CDK17: variants seen among roughly 807,000 people sequenced by gnomAD.
CDK17 encodes the protein cyclin dependent kinase 17.
Under a neutral mutation model 77.6 loss-of-function variants are expected in CDK17, and 24 were observed. The ratio of observed to expected loss-of-function variants is 0.31; its 90% CI spans 0.22 to 0.44. The LOEUF (loss-of-function observed/expected upper bound fraction) is 0.44, where lower values mean the gene tolerates loss of function less well. Ranked by LOEUF, CDK17 falls within the 20% of genes least tolerant of loss-of-function variation. CDK17 has a pLI of 1.00. For synonymous variants in CDK17, 203 were observed against 210.4 expected (o/e 0.96, Z 0.30); for missense variants, 429 against 622.5 (o/e 0.69, Z 3.31).
At chr12:96,362,162 A>C (rs371501153) in intron 1 of CDK17, among the ~76,000 whole-genome samples, 96 of 152,338 alleles carry the variant, frequency 6.3e-4, no homozygotes, top group African/African-American at 2.3e-3. Flanking sequence ...GACTTTTTAA[A>C]ACTTAGTCAA....
intron 1 of CDK17, among the ~76,000 whole-genome samples, chr12:96,386,424 G>A (rs887809698): frequency 6.6e-6 from 1 of 152,174 alleles, no homozygotes; most frequent in African/African-American, 2.4e-5. Context: ...CAAGGTGGGA[G>A]GATCACTTGA....
intron 1 of CDK17, among the ~76,000 whole-genome samples, chr12:96,376,435 C>T (rs1346685777): frequency 6.6e-6 from 1 of 152,174 alleles, no homozygotes; most frequent in Non-Finnish European, 1.5e-5. Context: ...GTTTGCCATT[C>T]TTATCAACAC....
intron 4 of CDK17, among the ~76,000 whole-genome samples, chr12:96,312,289 A>C (rs534640281): frequency 6.6e-6 from 1 of 152,284 alleles, no homozygotes; most frequent in South Asian, 2.1e-4. Context: ...AAACCAGAAA[A>C]AAATATATAC....
intron 11 of CDK17, among the ~76,000 whole-genome samples, chr12:96,287,832 C>T (rs1952266445): frequency 6.6e-6 from 1 of 152,022 alleles, no homozygotes; most frequent in African/African-American, 2.4e-5. Flanking sequence ...GTATTTTTAG[C>T]CTTAAAAAGG....
chr12:96,385,247 G>A (rs1254391099), intron 1 of CDK17, among the ~76,000 whole-genome samples: 1 of 41,966 alleles, frequency 2.4e-5, no homozygotes, highest in Non-Finnish European at 4.2e-5. Context: ...GGGAGGCGGA[G>A]AGGTTGCAGT....
In CDK17 at chr12:96,334,809, G is replaced by A. The variant is rs746956260; in HGVS notation, c.28C>T (p.Leu10Phe). 1.4e-4 allele frequency: 227 copies of A among 1,606,572 alleles called. No individual in the cohort carries two copies. The highest frequency in any genetic ancestry group is 1.7e-4 in the Non-Finnish European group (204 of 1,173,656). The change falls in exon 2 of 17, where the codon CTC (leucine) becomes TTC (phenylalanine). Residue 10 changes from leucine (L) to phenylalanine (F), a missense_variant. Physicochemically the swap from Leu to Phe is conservative, Grantham distance 22. Transcript: ENST00000261211. MKKFKRRLS[L>F]TLRGSQTIDE... ...ATAGTCTGACTTCCTCGGAGTGTGA[G>A]GGATAGCCTTCTCTTAAATTTTTTC...
intron 1 of CDK17, among the ~76,000 whole-genome samples, chr12:96,375,512 T>C (rs1349775816): frequency 7.1e-6 from 1 of 140,984 alleles, no homozygotes; most frequent in African/African-American, 2.8e-5. Context: ...ATCCTAACCT[T>C]TTTTTTTTTT....
chr12:96,286,374 C>T (rs1272757700), intron 12 of CDK17, among the ~76,000 whole-genome samples: 1 of 151,664 alleles, frequency 6.6e-6, no homozygotes, highest in Non-Finnish European at 1.5e-5. Flanking sequence ...TTTTTCTATC[C>T]AGTTGATACC....
At chr12:96,297,369 T>C in intron 8 of CDK17, 37 bp from the exon 9 acceptor site, 1 of 1,375,954 alleles carries the variant, frequency 7.3e-7, no homozygotes, top group Non-Finnish European at 1.0e-6. Context: ...TGATACACCA[T>C]TTTCAGAATG....
At chr12:96,300,211 G>A (rs1289736324) in intron 6 of CDK17, 93 bp downstream of exon 6, 18 of 852,586 alleles carry the variant, frequency 2.1e-5, no homozygotes, top group Non-Finnish European at 3.1e-5. Context: ...CAGTACTTAC[G>A]TTTTTTCCAG....
chr12:96,391,295 T>C (rs4762299), intron 1 of CDK17, among the ~76,000 whole-genome samples: 26 of 145,052 alleles, frequency 1.8e-4, no homozygotes, highest in African/African-American at 2.5e-4. Flanking sequence ...ATTTTTTTTT[T>C]CTTTTTTTTT....
At chr12:96,301,468 A>T (rs1189731771) in intron 5 of CDK17, among the ~76,000 whole-genome samples, 1 of 152,126 alleles carries the variant, frequency 6.6e-6, no homozygotes, top group Non-Finnish European at 1.5e-5. Context: ...TTTTAGATAG[A>T]TTGAAAACTA....
intron 5 of CDK17, among the ~76,000 whole-genome samples, chr12:96,310,479 A>G (rs1227264571): frequency 1.3e-5 from 2 of 152,122 alleles, no homozygotes; most frequent in Middle Eastern, 3.2e-3. Context: ...CATACTATAA[A>G]AACAGTATGA....
chr12:96,367,945 T>C (rs905712772), intron 1 of CDK17, among the ~76,000 whole-genome samples: 5 of 151,968 alleles, frequency 3.3e-5, no homozygotes, highest in Non-Finnish European at 7.4e-5. Context: ...AGCATGCATT[T>C]AAAAACGTAT....
In CDK17 at chr12:96,374,529, C is replaced by A. The variant is rs1320889396; in HGVS notation, c.-30+25457G>T. Among the ~76,000 whole-genome samples, 4 of 152,170 alleles carry A rather than the reference C, an allele frequency of 2.6e-5. No individual in the cohort carries two copies. The South Asian group carries it at 8.3e-4, about 31-fold the overall frequency. On this transcript the variant is annotated intron_variant, in intron 1 of 16. Coordinates refer to ENST00000261211, the MANE Select transcript of CDK17 (RefSeq NM_002595.5). Reference sequence around the variant, plus strand: ...TTTGCTCAGGCCTCTTAACTTTGCACAAGCATATCCCTCTACCAGGAACAA... The same window carrying A: ...TTTGCTCAGGCCTCTTAACTTTGCAAAAGCATATCCCTCTACCAGGAACAA...
chr12:96,325,381 C>T (rs888424093), intron 2 of CDK17, among the ~76,000 whole-genome samples: 6 of 152,212 alleles, frequency 3.9e-5, no homozygotes, highest in Non-Finnish European at 5.9e-5. Context: ...ATTCCTCTAC[C>T]TGTTTCTCAA....
At chr12:96,368,855 C>A (rs1277982333) in intron 1 of CDK17, among the ~76,000 whole-genome samples, 1 of 129,608 alleles carries the variant, frequency 7.7e-6, no homozygotes, top group Non-Finnish European at 1.6e-5. Context: ...AGGAGCACAA[C>A]AGAGTCCCAA....
intron 1 of CDK17, among the ~76,000 whole-genome samples, chr12:96,380,497 G>T (rs545191723): frequency 2.0e-5 from 3 of 151,980 alleles, no homozygotes; most frequent in African/African-American, 7.2e-5. Context: ...CGCCATCTTG[G>T]CCAGACTGGT....
chr12:96,388,173 C>T (rs1954007959), intron 1 of CDK17, among the ~76,000 whole-genome samples: 1 of 151,796 alleles, frequency 6.6e-6, no homozygotes, highest in Admixed American at 6.6e-5. Context: ...AAAGCAAATA[C>T]TGTCTAGACT....
Sources: allele counts gnomAD v4.1 joint callset (sites outside exome capture counted in the v4.1 genomes callset), GRCh38; gene constraint gnomAD v4.1.1; transcripts MANE v1.5; gene names NCBI Gene and HGNC (gene_info 2026-07-23, HGNC 2026-07-21).